The following SMG7 variants were observed in gnomAD, a reference collection of about 807,000 sequenced individuals.
SMG7 encodes nonsense-mediated mRNA decay factor SMG7.
A neutral mutation model predicts 148.2 loss-of-function variants in SMG7; 34 were observed. The ratio of observed to expected loss-of-function variants is 0.23; its 90% CI spans 0.17 to 0.31. SMG7 has a LOEUF of 0.31. Among genes scored for constraint, SMG7 ranks in the 10% least tolerant of loss-of-function variants. The pLI is 1.00. For missense variants in SMG7, 1,114 were observed against 1,408.4 expected (o/e 0.79, Z 3.35); for synonymous variants, 492 against 515.1 (o/e 0.96, Z 0.61).
chr1:183,508,743 A>G (rs1661519644), intron 1 of SMG7, among the ~76,000 whole-genome samples: 1 of 152,200 alleles, frequency 6.6e-6, no homozygotes. Flanking sequence ...AAGTTAGTGG[A>G]TAATAGTATA....
Position 183,481,306 on chromosome 1 carries a change from A to C in SMG7, c.29+8657A>C, listed in dbSNP as rs530672785. On this transcript the variant is annotated intron_variant, in intron 1 of 22. Transcript: ENST00000688051. ...TCCCATGTGGGAAGTGCCACACTGT[A>C]CTAGCTTAGCTTAAACTTCACCTTC... 1.9e-4 allele frequency among the ~76,000 whole-genome samples: 29 copies of C among 152,280 alleles called. No individual in the cohort carries two copies. The South Asian group carries it at 6.0e-3, about 32-fold the overall frequency.
chr1:183,523,259 A>G (rs1160663855), intron 4 of SMG7, among the ~76,000 whole-genome samples: 1 of 152,190 alleles, frequency 6.6e-6, no homozygotes, highest in East Asian at 1.9e-4. Flanking sequence ...GAGACAAGAG[A>G]TAGTGTAAAA....
chr1:183,502,670 GT>G (rs1468124860), intron 1 of SMG7, among the ~76,000 whole-genome samples: 2 of 152,000 alleles, frequency 1.3e-5, no homozygotes, highest in African/African-American at 4.8e-5. Context: ...TTTATATGAG[GT>G]CTCTGAATAT....
rs1211172744 is a variant in SMG7 at position 183,553,692 on chromosome 1, G to A, written c.*1761G>A. The A allele has an allele frequency of 2.0e-5, 3 of 152,502 alleles. No individual in the cohort carries two copies. Among genetic ancestry groups the A allele is most frequent in the Non-Finnish European group, 4.3e-5 (3 of 70,200 alleles). The allele number at this position is 152,502 out of a possible 1,614,324, so 9.4% of individuals were successfully genotyped here. Reference sequence around the variant, plus strand: ...TTTGTTTTTTTGAAAGGTCTGAAAAGGTGAAGCCCCCTACCCAATGGCAAT... The same window carrying A: ...TTTGTTTTTTTGAAAGGTCTGAAAAAGTGAAGCCCCCTACCCAATGGCAAT... On this transcript the variant is annotated 3_prime_UTR_variant, in exon 23 of 23. Transcript: ENST00000688051.
chr1:183,484,505 A>T (rs1214578266), intron 1 of SMG7, among the ~76,000 whole-genome samples: 1 of 151,958 alleles, frequency 6.6e-6, no homozygotes, highest in Non-Finnish European at 1.5e-5. Flanking sequence ...AATAACAATT[A>T]GTCTTTCCAC....
At chr1:183,496,214 T>C (rs944339689) in intron 1 of SMG7, among the ~76,000 whole-genome samples, 9 of 152,182 alleles carry the variant, frequency 5.9e-5, no homozygotes, top group Admixed American at 5.2e-4. Flanking sequence ...ATTAGTTATC[T>C]TTCCTTCTTT....
chr1:183,497,019 T>G (rs1225616299), intron 1 of SMG7, among the ~76,000 whole-genome samples: 1 of 152,146 alleles, frequency 6.6e-6, no homozygotes, highest in Non-Finnish European at 1.5e-5. Flanking sequence ...CATCCCGTCT[T>G]ATGGGCTTTA....
At chr1:183,549,364 A>G in intron 19 of SMG7, 76 bp downstream of exon 19, 5 of 1,068,654 alleles carry the variant, frequency 4.7e-6, no homozygotes, top group Admixed American at 3.9e-5. Context: ...CTGTTTCAGT[A>G]TGTCTGTTTT....
rs190797510 is a variant in SMG7 at position 183,504,233 on chromosome 1, A to G, written c.30-8604A>G. ...CATTTTGACTATTTAGAGTAAAAAA[A>G]AATTGACTTATTTTAATTTGTACTT... On this transcript the variant is annotated intron_variant, in intron 1 of 22. Coordinates refer to ENST00000688051, the MANE Select transcript of SMG7 (RefSeq NM_001375584.1). 2.0e-4 allele frequency among the ~76,000 whole-genome samples: 30 copies of G among 152,312 alleles called. No homozygotes were observed. The East Asian group carries it at 5.6e-3, about 28-fold the overall frequency.
Sources: allele counts gnomAD v4.1 joint callset (sites outside exome capture counted in the v4.1 genomes callset), GRCh38; gene constraint gnomAD v4.1.1; transcripts MANE v1.5; gene names NCBI Gene and HGNC (gene_info 2026-07-23, HGNC 2026-07-21).